Variants in DMD observed in about 807,000 individuals in gnomAD.
DMD encodes mutant dystrophin.
Under a neutral mutation model 330.1 loss-of-function variants are expected in DMD, and 63 were observed. The ratio of observed to expected loss-of-function variants is 0.19; its 90% CI spans 0.16 to 0.24. The LOEUF (loss-of-function observed/expected upper bound fraction) is 0.24, where lower values mean the gene tolerates loss of function less well. Among genes scored for constraint, DMD ranks in the 10% least tolerant of loss-of-function variants. The pLI, the probability that DMD is intolerant of heterozygous loss-of-function variation, is 1.00. For synonymous variants in DMD, 1,223 were observed against 959.8 expected (o/e 1.27, Z -5.07); for missense variants, 3,344 against 2,684.1 (o/e 1.25, Z -5.43).
intron 7 of DMD, among the ~76,000 whole-genome samples, chrX:32,730,455 T>G (rs781635846): frequency 1.8e-5 from 2 of 112,145 alleles, no homozygotes; most frequent in Non-Finnish European, 3.8e-5. Context: ...CAAAAACAAT[T>G]TGAATGTTTA....
intron 2 of DMD, among the ~76,000 whole-genome samples, chrX:32,877,718 G>C (rs979389917): frequency 2.7e-5 from 3 of 111,776 alleles, no homozygotes; most frequent in Non-Finnish European, 3.8e-5. Context: ...ACAGAGATCC[G>C]GAAGTGCCTT....
Position 32,109,272 on chromosome X carries a change from C to T in DMD, c.6438+107644G>A, listed in dbSNP as rs765072895. ...TTTTTTTGCATTTAGAGACTCTATG[C>T]GCCCAGAATAATTCTGTGATATGTA... On this transcript the variant is annotated intron_variant, in intron 44 of 78. Coordinates refer to ENST00000357033, the MANE Select transcript of DMD (RefSeq NM_004006.3). Among the ~76,000 whole-genome samples, 12 of 110,464 alleles carry T rather than the reference C, an allele frequency of 1.1e-4. No homozygotes were observed. In the South Asian group the frequency reaches 1.9e-3, roughly 17 times the overall value.
At chrX:31,522,363 C>CTCTATATATATATATATATATA in intron 55 of DMD, among the ~76,000 whole-genome samples, 7 of 35,956 alleles carry the variant, frequency 1.9e-4, no homozygotes, top group Non-Finnish European at 2.1e-4. Context: ...CTCTCTCTCT[C>CTCTATATATATATATATATATA]TATATATATA....
intron 44 of DMD, among the ~76,000 whole-genome samples, chrX:31,987,830 A>C (rs1252827558): frequency 8.9e-6 from 1 of 112,158 alleles, no homozygotes; most frequent in Non-Finnish European, 1.9e-5. Flanking sequence ...CAGCAATTCC[A>C]CTACTGGGGA....
chrX:32,088,565 T>C (rs1257217834), intron 44 of DMD, among the ~76,000 whole-genome samples: 1 of 109,570 alleles, frequency 9.1e-6, no homozygotes, highest in Non-Finnish European at 1.9e-5. Flanking sequence ...TGGGCTTTCC[T>C]AAGTAGTTTC....
Position 32,205,010 on chromosome X carries a change from TACAC to T in DMD, c.6438+11902_6438+11905del, listed in dbSNP as rs57507348. On this transcript the variant is annotated intron_variant, in intron 44 of 78. Transcript: ENST00000357033. ...TCTCTCTCTCTCTCTCTCTCTCACA[TACAC>T]ACACACACACACACACACACACACA... 0.012 allele frequency among the ~76,000 whole-genome samples: 634 copies of T among 53,037 alleles called. 6 individuals carry two copies. In the Middle Eastern group the frequency reaches 0.14, roughly 11 times the overall value. 46.1% of individuals were successfully genotyped at this position (53,037 alleles called of 115,157 possible).
At chrX:32,068,067 A>C (rs924730321) in intron 44 of DMD, among the ~76,000 whole-genome samples, 1 of 111,571 alleles carries the variant, frequency 9.0e-6, no homozygotes, top group African/African-American at 3.3e-5. Flanking sequence ...GTGAGATGGT[A>C]TCTCCTTGCG....
rs138189235 is a variant in DMD at position 31,187,423 on chromosome X, C to T, written c.9808-4519G>A. ...GAAAACTATTCTTCAAATATGATTGCGGAGAATGTACCTCTATTTCTCCAG... is the reference window on the plus strand; with the variant it reads ...GAAAACTATTCTTCAAATATGATTGTGGAGAATGTACCTCTATTTCTCCAG... On this transcript the variant is annotated intron_variant, in intron 67 of 78. Transcript: ENST00000357033. Among the ~76,000 whole-genome samples the T allele has an allele frequency of 1.9e-3, 214 of 111,403 alleles. 1 individual carries two copies. The highest frequency in any genetic ancestry group is 6.7e-3 in the African/African-American group (204 of 30,616).
chrX:32,949,336 A>AT (rs2091051147), intron 2 of DMD, among the ~76,000 whole-genome samples: 1 of 82,359 alleles, frequency 1.2e-5, no homozygotes, highest in Non-Finnish European at 2.3e-5. Context: ...ATAGGTAGGT[A>AT]GGTAGGTAGA....
chrX:32,586,517 C>CAT (rs1222275909), intron 13 of DMD, among the ~76,000 whole-genome samples: 4 of 108,260 alleles, frequency 3.7e-5, no homozygotes, highest in East Asian at 2.9e-4. Context: ...TATATCTATT[C>CAT]ATATATATAT....
chrX:32,809,473 T>C lies in DMD; in HGVS notation c.649+20A>G. ...AACTCTACCATACTAAAAGCAGTGG[T>C]AGTCCAGAAATTTACCAACCTTCAG... On this transcript the variant is annotated intron_variant, in intron 7 of 78. Transcript: ENST00000357033. 1 of 1,148,127 alleles carries C rather than the reference T, an allele frequency of 8.7e-7. No homozygotes were observed. The highest frequency in any genetic ancestry group is 1.2e-6 in the Non-Finnish European group (1 of 837,688). 94.6% of individuals were successfully genotyped at this position (1,148,127 alleles called of 1,213,427 possible).
intron 1 of DMD, among the ~76,000 whole-genome samples, chrX:33,107,084 G>A (rs1248417387): frequency 9.0e-6 from 1 of 111,685 alleles, no homozygotes; most frequent in Non-Finnish European, 1.9e-5. Flanking sequence ...GGCAGAGGTG[G>A]GCGGATCACC....
intron 1 of DMD, among the ~76,000 whole-genome samples, chrX:33,089,452 G>C (rs750632606): frequency 8.1e-5 from 9 of 110,822 alleles, no homozygotes; most frequent in African/African-American, 2.6e-4. Flanking sequence ...CCAGCTACCT[G>C]GGGGACTGAA....
In DMD at chrX:32,409,224, A is replaced by G. The variant is rs1013203045; in HGVS notation, c.4233+2528T>C. On this transcript the variant is annotated intron_variant, in intron 30 of 78. Transcript: ENST00000357033. ...CAGATGGCTTGTATTCTCCAATATTATGTATTACCATTGGGGAGACTCAAT... is the reference window on the plus strand; with the variant it reads ...CAGATGGCTTGTATTCTCCAATATTGTGTATTACCATTGGGGAGACTCAAT... 5.4e-5 allele frequency among the ~76,000 whole-genome samples: 6 copies of G among 111,545 alleles called. No individual in the cohort carries two copies. In the Admixed American group the frequency reaches 5.8e-4, roughly 11 times the overall value.
chrX:32,049,400 G>C (rs1281425358), intron 44 of DMD, among the ~76,000 whole-genome samples: 1 of 111,655 alleles, frequency 9.0e-6, no homozygotes, highest in East Asian at 2.8e-4. Flanking sequence ...GCATAAAGAG[G>C]TGAGGTAAGT....
At chrX:31,332,741 T>C (rs1240015081) in intron 61 of DMD, among the ~76,000 whole-genome samples, 1 of 112,117 alleles carries the variant, frequency 8.9e-6, no homozygotes, top group Non-Finnish European at 1.9e-5. Context: ...ATTTTAAAGG[T>C]TGGTGTGAGG....
At chrX:33,316,142 T>C (rs1338036880) in intron 1 of DMD, among the ~76,000 whole-genome samples, 2 of 110,630 alleles carry the variant, frequency 1.8e-5, no homozygotes, top group Non-Finnish European at 3.8e-5. Flanking sequence ...CAATAAACAC[T>C]GAAAAACATA....
At chrX:31,634,683 T>C (rs1022584590) in intron 54 of DMD, among the ~76,000 whole-genome samples, 13 of 111,674 alleles carry the variant, frequency 1.2e-4, no homozygotes, top group Non-Finnish European at 2.5e-4. Context: ...GTTTTTAAAA[T>C]AGAGATTTGC....
chrX:32,860,446 A>G, intron 2 of DMD, among the ~76,000 whole-genome samples: 1 of 112,144 alleles, frequency 8.9e-6, no homozygotes, highest in East Asian at 2.8e-4. Flanking sequence ...GACATTGGAA[A>G]CACCAAAAAT....
Sources: allele counts gnomAD v4.1 joint callset (sites outside exome capture counted in the v4.1 genomes callset), GRCh38; gene constraint gnomAD v4.1.1; transcripts MANE v1.5; gene names NCBI Gene and HGNC (gene_info 2026-07-23, HGNC 2026-07-21).